The following TRPV3 variants were observed in gnomAD, a reference collection of about 807,000 sequenced individuals.
The protein encoded by TRPV3 is transient receptor potential cation channel subfamily V member 3.
TRPV3 carries 88 observed loss-of-function variants against 87.1 expected under a neutral mutation model. The ratio of observed to expected loss-of-function variants is 1.01; its 90% confidence interval spans 0.85 to 1.21. TRPV3 has a LOEUF of 1.21. TRPV3 is among the 50% of genes most tolerant of loss of function. The probability of loss-of-function intolerance (pLI) is 0.00; values close to 1 mark genes in which losing one functional copy is unlikely to be tolerated. For synonymous variants in TRPV3, 438 were observed against 423.3 expected (o/e 1.03, Z -0.43); for missense variants, 1,054 against 1,030.1 (o/e 1.02, Z -0.32).
At chr17:3,527,755 G>T (rs1299461819) in intron 11 of TRPV3, 4 of 483,966 alleles carry the variant, frequency 8.3e-6, no homozygotes, top group Admixed American at 3.6e-5. Context: ...ATGGGTGGAT[G>T]GGGGTGGAAG....
At chr17:3,540,617 A>G (rs553125463) in intron 6 of TRPV3, among the ~76,000 whole-genome samples, 1 of 152,326 alleles carries the variant, frequency 6.6e-6, no homozygotes, top group Admixed American at 6.5e-5. Context: ...AATGAACTGT[A>G]AGCAACAGAC....
chr17:3,528,187 C>A lies in TRPV3; in HGVS notation c.1402-61G>T. The A allele has an allele frequency of 7.4e-7, 1 of 1,348,310 alleles. No homozygotes were observed. Among genetic ancestry groups the A allele is most frequent in the African/African-American group, 1.5e-5 (1 of 68,322 alleles). 83.5% of individuals were successfully genotyped at this position (1,348,310 alleles called of 1,614,324 possible). A position where few individuals can be genotyped will look rare whatever the true frequency, so the allele number is the denominator to read the frequency against. On this transcript the variant is annotated intron_variant, in intron 10 of 17. Transcript: ENST00000576742. The surrounding 1 kb of genome is among the most constrained non-coding windows in gnomAD (Gnocchi z 4.2). ...GCAAGGAGGACAGGGCTGGCACCAA[C>A]TCTAGAGGGACCAAAACCCAGGTGA...
At chr17:3,526,685 G>A (rs956777372) in intron 12 of TRPV3, among the ~76,000 whole-genome samples, 169 bp downstream of exon 12, 7 of 152,156 alleles carry the variant, frequency 4.6e-5, no homozygotes, top group Middle Eastern at 6.8e-3. Context: ...GGGCATTTAC[G>A]TGTCTCCTAC....
intron 14 of TRPV3, among the ~76,000 whole-genome samples, chr17:3,519,395 G>GGGAT (rs1209904290): frequency 3.2e-4 from 35 of 110,766 alleles, no homozygotes; most frequent in African/African-American, 1.2e-3. Context: ...ATTAGATGGA[G>GGGAT]GGATGGATGG....
At chr17:3,538,825 T>C (rs2074431837) in intron 6 of TRPV3, among the ~76,000 whole-genome samples, 1 of 152,222 alleles carries the variant, frequency 6.6e-6, no homozygotes, top group Non-Finnish European at 1.5e-5. Context: ...CCTCAAGTGA[T>C]CCACCTGCCT....
intron 14 of TRPV3, among the ~76,000 whole-genome samples, chr17:3,519,419 T>TTG (rs2074214056): frequency 2.1e-5 from 2 of 93,190 alleles, no homozygotes; most frequent in African/African-American, 9.3e-5. Context: ...GATGGATGGA[T>TTG]GATTGGATGG....
intron 2 of TRPV3, among the ~76,000 whole-genome samples, chr17:3,548,938 C>G (rs1351212392): frequency 6.6e-6 from 1 of 152,158 alleles, no homozygotes; most frequent in Non-Finnish European, 1.5e-5. Flanking sequence ...GGATCGTCCT[C>G]TTATGGAATT....
chr17:3,517,389 G>A (rs1049133553), intron 15 of TRPV3, among the ~76,000 whole-genome samples: 9 of 152,128 alleles, frequency 5.9e-5, no homozygotes, highest in East Asian at 1.9e-4. Flanking sequence ...AGGCTGAGGC[G>A]GGCGAATCGC....
chr17:3,556,296 G>A lies in TRPV3; in HGVS notation c.-3+1380C>T, dbSNP rs141934071. Among the ~76,000 whole-genome samples, 37 of 152,158 alleles carry A rather than the reference G, an allele frequency of 2.4e-4. No homozygotes were observed. The East Asian group carries it at 7.2e-3, about 29-fold the overall frequency. Reference sequence around the variant, plus strand: ...GGCTCTGGGTTACATAGGAGAGCGCGGGCTGCGTTGGGGGGTGGGGGAGAC... The same window carrying A: ...GGCTCTGGGTTACATAGGAGAGCGCAGGCTGCGTTGGGGGGTGGGGGAGAC... On this transcript the variant is annotated intron_variant, in intron 1 of 17. Transcript: ENST00000576742. The surrounding 1 kb of genome is among the most constrained non-coding windows in gnomAD (Gnocchi z 4.2).
At position 3,521,054 on chromosome 17, in the gene TRPV3, A is replaced by G. The variant is rs754557626; in HGVS notation, c.1744-15T>C. ...TGCAAAATGACCTATAAGGAAATAA[A>G]CATAATTCAAGTGTAAGGTGCAAGC... On this transcript the variant is annotated splice_polypyrimidine_tract_variant and intron_variant, in intron 13 of 17. Transcript: ENST00000576742. 1.3e-6 allele frequency: 2 copies of G among 1,583,362 alleles called. No homozygotes were observed. The highest frequency in any genetic ancestry group is 2.7e-5 in the African/African-American group (2 of 74,122).
chr17:3,556,186 G>GAAA lies in TRPV3; in HGVS notation c.-2-1337_-2-1335dup, dbSNP rs386364863. Among the ~76,000 whole-genome samples the GAAA allele has an allele frequency of 5.4e-4, 75 of 139,770 alleles. No homozygotes were observed. Among genetic ancestry groups the GAAA allele is most frequent in the South Asian group, 2.0e-3 (9 of 4,426 alleles). The allele number at this position is 139,770 out of a possible 152,430, so 91.7% of individuals were successfully genotyped here. A position where few individuals can be genotyped will look rare whatever the true frequency, so the allele number is the denominator to read the frequency against. On this transcript the variant is annotated intron_variant, in intron 1 of 17. Coordinates refer to ENST00000576742, the MANE Select transcript of TRPV3 (RefSeq NM_145068.4). This position sits in a 1 kb window ranked among gnomAD's most constrained non-coding sequence, Gnocchi z 4.2. The stretch of plus-strand genomic sequence containing the variant: ...AGCGAGACTCCGTCTCAAAAAAAAT[G>GAAA]AAAAAAAAAAAAAATAAAGTTTTTA...
At chr17:3,533,027 A>C in intron 7 of TRPV3, 90 bp from the exon 8 acceptor site, 5 of 1,464,074 alleles carry the variant, frequency 3.4e-6, no homozygotes, top group Non-Finnish European at 4.7e-6. Context: ...ATCCTATCTC[A>C]GCAGGATGGG....
chr17:3,527,066 C>A, intron 11 of TRPV3, 139 bp from the exon 12 acceptor site: 1 of 679,598 alleles, frequency 1.5e-6, no homozygotes, highest in South Asian at 1.8e-5. Context: ...GGTGGCGGAT[C>A]TGAAAGGGGA....
Position 3,545,177 on chromosome 17 carries a change from T to C in TRPV3, c.214A>G (p.Ile72Val), listed in dbSNP as rs1345830275. Residue 72 changes from isoleucine to valine, a missense_variant, in exon 3 of 18, where the codon ATC becomes GTC. Ile to Val is a conservative substitution (Grantham distance 29). Coordinates refer to ENST00000576742, the MANE Select transcript of TRPV3 (RefSeq NM_145068.4). ...PVFSKPMDSN[I>V]RQCISGNCDD... ...GGGGCCCGTACTCACCACTGCCGGA[T>C]GTTGGAATCCATGGGCTTGGAGAAG... is the stretch of plus-strand genomic sequence containing the variant. 1 of 1,613,394 alleles carries C rather than the reference T, an allele frequency of 6.2e-7. No individual in the cohort carries two copies. The highest frequency in any genetic ancestry group is 8.5e-7 in the Non-Finnish European group (1 of 1,179,618).
At chr17:3,514,930 C>CAGGT (rs1440661265) in intron 16 of TRPV3, among the ~76,000 whole-genome samples, 1 of 152,128 alleles carries the variant, frequency 6.6e-6, no homozygotes, top group Non-Finnish European at 1.5e-5. Context: ...GTTGCCCAGA[C>CAGGT]AGGTGTAAAG....
At position 3,518,066 on chromosome 17, in the gene TRPV3, G is replaced by A. The variant is rs546165768; in HGVS notation, c.2085+510C>T. Among the ~76,000 whole-genome samples the A allele has an allele frequency of 3.5e-4, 53 of 151,964 alleles. No homozygotes were observed. The highest frequency in any genetic ancestry group is 6.8e-4 in the Non-Finnish European group (46 of 67,986). ...ACTCTTGACCTCAGGTGATCCACCCGCTTCGGCCTTCCAAAGTGCTAAGAT... is the reference window on the plus strand; with the variant it reads ...ACTCTTGACCTCAGGTGATCCACCCACTTCGGCCTTCCAAAGTGCTAAGAT... On this transcript the variant is annotated intron_variant, in intron 15 of 17. Coordinates refer to ENST00000576742, the MANE Select transcript of TRPV3 (RefSeq NM_145068.4). This position sits in a 1 kb window ranked among gnomAD's most constrained non-coding sequence, Gnocchi z 4.3.
At chr17:3,548,223 G>C (rs1267998906) in intron 2 of TRPV3, among the ~76,000 whole-genome samples, 1 of 152,150 alleles carries the variant, frequency 6.6e-6, no homozygotes, top group Non-Finnish European at 1.5e-5. Flanking sequence ...AGCTCCCAAA[G>C]GGCAGTCTCA....
In TRPV3 at chr17:3,532,691, G is replaced by A. The variant is rs753934400; in HGVS notation, c.1031C>T (p.Pro344Leu). 3.0e-5 allele frequency: 49 copies of A among 1,614,104 alleles called. No individual in the cohort carries two copies. The highest frequency in any genetic ancestry group is 5.5e-5 in the South Asian group (5 of 91,092). Residue 344 changes from proline (P) to leucine (L), a missense_variant, in exon 8 of 18, where the codon CCG becomes CTG. By Grantham distance (98) the Pro-to-Leu change is moderately conservative. Coordinates refer to ENST00000576742, the MANE Select transcript of TRPV3 (RefSeq NM_145068.4). ...ETTRNNDGLT[P>L]LQLAAKMGKA... is the part of the protein sequence containing the mutation. ...GCCCATCTTGGCGGCCAGCTGCAGC[G>A]GCGTGAGGCCATCGTTGTTGCGAGT...
rs35788461 is a variant in TRPV3, at chr17:3,540,327, C to T, written c.643+2195G>A. Among the ~76,000 whole-genome samples, 571 of 152,108 alleles carry T rather than the reference C, an allele frequency of 3.8e-3. 21 individuals carry two copies. The East Asian group carries it at 0.084, about 22-fold the overall frequency. ...GGAAGGAAGGCACCAGCGGATGGGT[C>T]AGAACGGTGGTGGGGTTGGTTTCCA... On this transcript the variant is annotated intron_variant, in intron 6 of 17. Transcript: ENST00000576742.
Sources: gnomAD v4.1 joint callset for allele counts (sites outside exome capture counted in the v4.1 genomes callset) on GRCh38, gnomAD v4.1.1 for gene constraint, Gnocchi (gnomAD v3.1) non-coding constraint, MANE v1.5 for transcripts, NCBI Gene and HGNC (gene_info 2026-07-23, HGNC 2026-07-21) for gene names.